TRIO: variants seen among roughly 807,000 people sequenced by gnomAD.
TRIO encodes the protein triple functional domain protein.
Under a neutral mutation model 351.9 loss-of-function variants are expected in TRIO, and 58 were observed. The ratio of observed to expected loss-of-function variants is 0.16; its 90% CI spans 0.13 to 0.21. The LOEUF (loss-of-function observed/expected upper bound fraction) is 0.21, where lower values mean the gene tolerates loss of function less well. Among genes scored for constraint, TRIO ranks in the 10% least tolerant of loss-of-function variants. The probability of loss-of-function intolerance (pLI) is 1.00; values close to 1 mark genes in which losing one functional copy is unlikely to be tolerated. For synonymous variants in TRIO, 1,758 were observed against 1,595.7 expected, an observed-to-expected ratio of 1.10 and a Z score of -2.42; for missense variants, 3,201 against 4,027.8, an observed-to-expected ratio of 0.79 and a Z score of 5.56.
intron 37 of TRIO, among the ~76,000 whole-genome samples, chr5:14,468,535 C>A (rs1353431389): frequency 2.0e-5 from 3 of 152,226 alleles, no homozygotes; most frequent in African/African-American, 7.2e-5. Flanking sequence ...TAAATTCTCC[C>A]CTCTTTTTCT....
chr5:14,163,169 C>T (rs1342066880), intron 1 of TRIO, among the ~76,000 whole-genome samples: 1 of 152,114 alleles, frequency 6.6e-6, no homozygotes, highest in East Asian at 1.9e-4. Context: ...TCCCTTTGCC[C>T]CCCATCCCTG....
intron 18 of TRIO, among the ~76,000 whole-genome samples, chr5:14,373,878 C>T (rs887513276): frequency 2.0e-5 from 3 of 152,232 alleles, no homozygotes; most frequent in Non-Finnish European, 4.4e-5. Context: ...CTCAAGGTCA[C>T]TCCTTAGGCT....
chr5:14,271,038 G>C, intron 2 of TRIO, 139 bp downstream of exon 2: 1 of 661,738 alleles, frequency 1.5e-6, no homozygotes, highest in Non-Finnish European at 2.6e-6. Flanking sequence ...TATTCTTGTA[G>C]CACTGTTTCT....
intron 1 of TRIO, among the ~76,000 whole-genome samples, chr5:14,168,364 T>G (rs1581262590): frequency 6.6e-6 from 1 of 152,136 alleles, no homozygotes; most frequent in African/African-American, 2.4e-5. Context: ...AATAGGGAGG[T>G]CCCACGTAGG....
chr5:14,443,893 A>G (rs954965538), intron 34 of TRIO, among the ~76,000 whole-genome samples: 1 of 152,194 alleles, frequency 6.6e-6, no homozygotes, highest in Admixed American at 6.5e-5. Flanking sequence ...GAGTGGAACT[A>G]TTGGGTTGGT....
chr5:14,226,623 G>A (rs535497717), intron 1 of TRIO, among the ~76,000 whole-genome samples: 1 of 152,344 alleles, frequency 6.6e-6, no homozygotes, highest in African/African-American at 2.4e-5. Flanking sequence ...ATAAGAGGCT[G>A]TAAGACATGG....
intron 48 of TRIO, among the ~76,000 whole-genome samples, chr5:14,491,932 C>T (rs539388273): frequency 1.6e-4 from 24 of 152,296 alleles, no homozygotes; most frequent in African/African-American, 5.8e-4. Flanking sequence ...CTAGCAAGTT[C>T]GTATTGCTGG....
intron 1 of TRIO, among the ~76,000 whole-genome samples, chr5:14,231,844 ATTTT>A (rs200567229): frequency 0.31 from 44,940 of 144,954 alleles, 6,806 homozygotes; most frequent in East Asian, 0.45. Flanking sequence ...CCAGTGACTG[ATTTT>A]TTTTTTTTTT....
intron 1 of TRIO, among the ~76,000 whole-genome samples, chr5:14,184,303 G>A (rs1335400756): frequency 6.6e-6 from 1 of 152,226 alleles, no homozygotes; most frequent in South Asian, 2.1e-4. Flanking sequence ...CAAAATCACA[G>A]TGGGAAGCTG....
chr5:14,357,631 C>A (rs7705844), intron 11 of TRIO, among the ~76,000 whole-genome samples: 7,945 of 151,976 alleles, frequency 0.052, 711 homozygotes, highest in African/African-American at 0.18. Flanking sequence ...GGCCTGGGCT[C>A]GTGCCGTCAC....
chr5:14,364,658 C>T lies in TRIO; in HGVS notation c.2596C>T (p.Leu866=), dbSNP rs1561395798. ...CCCTTTAATGTCCACAGGTGTGGAGCTGCTGTGTGATAGAGATGTAGACAT... is the reference window on the plus strand; with the variant it reads ...CCCTTTAATGTCCACAGGTGTGGAGTTGCTGTGTGATAGAGATGTAGACAT... ...VNEVQASGVE[L]LCDRDVDMAT... is the part of the protein sequence containing the mutation. Residue 866 remains leucine (L), a synonymous_variant, in exon 15 of 57, where the codon CTG becomes TTG. Transcript: ENST00000344204. 3 of 1,613,250 alleles carry T rather than the reference C, an allele frequency of 1.9e-6. No homozygotes were observed. Among genetic ancestry groups the T allele is most frequent in the Non-Finnish European group, 2.5e-6 (3 of 1,179,512 alleles).
intron 28 of TRIO, among the ~76,000 whole-genome samples, chr5:14,394,502 A>G (rs378369): frequency 0.31 from 47,763 of 152,070 alleles, 8,094 homozygotes; most frequent in African/African-American, 0.42. Context: ...CATGGAAACT[A>G]GCCTCAGACT....
intron 8 of TRIO, among the ~76,000 whole-genome samples, chr5:14,310,901 GT>G (rs1738865299): frequency 6.6e-6 from 1 of 152,174 alleles, no homozygotes. Flanking sequence ...GGCCAGGCTG[GT>G]CTTGAACTCC....
intron 1 of TRIO, among the ~76,000 whole-genome samples, chr5:14,202,130 AAG>A (rs1791154262): frequency 6.6e-6 from 1 of 151,918 alleles, no homozygotes; most frequent in African/African-American, 2.4e-5. Flanking sequence ...AAAAAAAAAA[AAG>A]AAAAAAGGTG....
chr5:14,479,097 C>G (rs1399942202), intron 41 of TRIO, among the ~76,000 whole-genome samples, 164 bp from the exon 42 acceptor site: 1 of 152,202 alleles, frequency 6.6e-6, no homozygotes, highest in Non-Finnish European at 1.5e-5. Flanking sequence ...CCGTAGAATG[C>G]TGATCTACAT....
At chr5:14,208,280 G>A (rs908695824) in intron 1 of TRIO, among the ~76,000 whole-genome samples, 2 of 152,190 alleles carry the variant, frequency 1.3e-5, no homozygotes, top group African/African-American at 4.8e-5. Flanking sequence ...TGGATAAACA[G>A]GATGTGGTAT....
At chr5:14,388,503 TCTAAGA>T in intron 23 of TRIO, 104 bp from the exon 24 acceptor site, 1 of 1,087,178 alleles carries the variant, frequency 9.2e-7, no homozygotes, top group Admixed American at 2.1e-5. Flanking sequence ...AAATGATCAA[TCTAAGA>T]CTAATACTTT....
chr5:14,409,512 C>G (rs74863132), intron 33 of TRIO, among the ~76,000 whole-genome samples: 1,820 of 152,188 alleles, frequency 0.012, 19 homozygotes, highest in Non-Finnish European at 0.018. Flanking sequence ...TGTGTTGTCC[C>G]TAAACTTCAC....
At chr5:14,462,707 C>G in intron 35 of TRIO, 48 bp from the exon 36 acceptor site, 1 of 1,607,056 alleles carries the variant, frequency 6.2e-7, no homozygotes, top group Admixed American at 1.7e-5. Context: ...TGGTCCACGT[C>G]TGTGAACTGG....
Sources: allele counts gnomAD v4.1 joint callset (sites outside exome capture counted in the v4.1 genomes callset), GRCh38; gene constraint gnomAD v4.1.1; transcripts MANE v1.5; gene names NCBI Gene and HGNC (gene_info 2026-07-23, HGNC 2026-07-21).